Variants in GPR158 observed in about 807,000 individuals in gnomAD.
GPR158 encodes metabotropic glycine receptor.
GPR158 carries 30 observed loss-of-function variants against 78.2 expected under a neutral mutation model. The ratio of observed to expected loss-of-function variants is 0.38; its 90% CI spans 0.29 to 0.52. The LOEUF (loss-of-function observed/expected upper bound fraction) is 0.52, where lower values mean the gene tolerates loss of function less well. Ranked by LOEUF, GPR158 falls within the 20% of genes least tolerant of loss-of-function variation. GPR158 has a pLI of 0.83. For missense variants in GPR158, 1,463 were observed against 1,523.5 expected (o/e 0.96, Z 0.66); for synonymous variants, 581 against 591.1 (o/e 0.98, Z 0.25).
At chr10:25,579,326 C>T (rs1837154148) in intron 7 of GPR158, among the ~76,000 whole-genome samples, 1 of 152,152 alleles carries the variant, frequency 6.6e-6, no homozygotes, top group Admixed American at 6.5e-5. Flanking sequence ...GAATTGACTT[C>T]TCATGCCTGA....
intron 5 of GPR158, among the ~76,000 whole-genome samples, chr10:25,498,952 G>C (rs1835919261): frequency 6.6e-6 from 1 of 152,070 alleles, no homozygotes; most frequent in African/African-American, 2.4e-5. Flanking sequence ...AAGCCTGCAG[G>C]GCCTCTTCTC....
chr10:25,336,856 G>A (rs955822174), intron 2 of GPR158, among the ~76,000 whole-genome samples: 3 of 152,054 alleles, frequency 2.0e-5, no homozygotes, highest in Non-Finnish European at 4.4e-5. Flanking sequence ...CAACCTCTTG[G>A]ATTCTTTTAT....
At chr10:25,467,764 C>T (rs539995938) in intron 5 of GPR158, among the ~76,000 whole-genome samples, 4 of 152,166 alleles carry the variant, frequency 2.6e-5, no homozygotes, top group South Asian at 2.1e-4. Flanking sequence ...TGGGGCAAAG[C>T]GGGCTGCTTG....
At chr10:25,283,764 G>A (rs1246404878) in intron 2 of GPR158, among the ~76,000 whole-genome samples, 4 of 151,680 alleles carry the variant, frequency 2.6e-5, no homozygotes. Context: ...TTACTCATAA[G>A]CACTACTTTT....
chr10:25,382,467 C>T (rs1022303629), intron 2 of GPR158, among the ~76,000 whole-genome samples: 1 of 152,144 alleles, frequency 6.6e-6, no homozygotes, highest in Non-Finnish European at 1.5e-5. Context: ...AAAACATCCT[C>T]TCTTCTGCCC....
At chr10:25,186,890 T>A (rs1852695426) in intron 1 of GPR158, among the ~76,000 whole-genome samples, 1 of 151,244 alleles carries the variant, frequency 6.6e-6, no homozygotes, top group African/African-American at 2.4e-5. Flanking sequence ...AGTATCATCC[T>A]GATACCAAAG....
chr10:25,466,787 TACACACAC>T, intron 5 of GPR158, 68 bp downstream of exon 5: 2 of 707,430 alleles, frequency 2.8e-6, no homozygotes, highest in African/African-American at 1.9e-5. Flanking sequence ...AGTTACTGTT[TACACACAC>T]ACACACACAC....
rs1481787815 is a variant in GPR158, at chr10:25,175,738, G to A, written c.318G>A (p.Ala106=). 1 of 1,611,354 alleles carries A rather than the reference G, an allele frequency of 6.2e-7. No individual in the cohort carries two copies. The change falls in exon 1 of 11, where the codon GCG becomes GCA. Residue 106 remains alanine (A), a synonymous_variant. Transcript: ENST00000376351. This position sits in a 1 kb window ranked among gnomAD's most constrained non-coding sequence, Gnocchi z 6.4. ...RANCSGRYEL[A]GLPGKWPALA... Reference sequence around the variant, plus strand: ...ACTGCTCCGGCCGCTACGAGTTGGCGGGCCTGCCGGGGAAGTGGCCAGCCC... The same window carrying A: ...ACTGCTCCGGCCGCTACGAGTTGGCAGGCCTGCCGGGGAAGTGGCCAGCCC...
intron 7 of GPR158, among the ~76,000 whole-genome samples, chr10:25,585,551 G>A (rs1212189580): frequency 6.6e-6 from 1 of 152,206 alleles, no homozygotes; most frequent in Admixed American, 6.5e-5. Context: ...ATCATTTCAG[G>A]AGGCTTTGTG....
intron 1 of GPR158, among the ~76,000 whole-genome samples, chr10:25,198,321 A>T (rs927468284): frequency 6.6e-6 from 1 of 152,218 alleles, no homozygotes; most frequent in Non-Finnish European, 1.5e-5. Context: ...CAGATGGAAG[A>T]CGTGAATACT....
At chr10:25,507,233 A>C (rs1435999618) in intron 5 of GPR158, among the ~76,000 whole-genome samples, 1 of 152,216 alleles carries the variant, frequency 6.6e-6, no homozygotes, top group Non-Finnish European at 1.5e-5. Context: ...AAGAGGAAGA[A>C]GTGGAATGGC....
At chr10:25,194,494 GC>G (rs201915173) in intron 1 of GPR158, among the ~76,000 whole-genome samples, 3,212 of 152,196 alleles carry the variant, frequency 0.021, 36 homozygotes, top group Middle Eastern at 0.037. Context: ...AGCCAAGATC[GC>G]ACCACAGCAC....
intron 2 of GPR158, among the ~76,000 whole-genome samples, chr10:25,364,445 ATTT>A (rs1855689077): frequency 6.6e-6 from 1 of 151,902 alleles, no homozygotes; most frequent in African/African-American, 2.4e-5. Flanking sequence ...GTGAATAATG[ATTT>A]GAAGTACACA....
intron 5 of GPR158, among the ~76,000 whole-genome samples, chr10:25,473,149 G>A (rs1368912540): frequency 1.3e-5 from 2 of 151,758 alleles, no homozygotes; most frequent in African/African-American, 2.4e-5. Flanking sequence ...AATTTATTGA[G>A]AGTTTTTAGC....
At chr10:25,546,244 C>A (rs547008416) in intron 5 of GPR158, among the ~76,000 whole-genome samples, 1 of 152,212 alleles carries the variant, frequency 6.6e-6, no homozygotes, top group East Asian at 1.9e-4. Flanking sequence ...TATTGTAAAG[C>A]ATTCTTTTAT....
Position 25,241,370 on chromosome 10 carries a change from TTCTCTCTTC to T in GPR158, c.1008+20217_1008+20225del. Among the ~76,000 whole-genome samples the T allele has an allele frequency of 2.8e-5, 3 of 107,984 alleles. 1 individual carries two copies. The South Asian group carries it at 9.4e-4, about 34-fold the overall frequency. The allele number at this position is 107,984 out of a possible 152,430, so 70.8% of individuals were successfully genotyped here. On this transcript the variant is annotated intron_variant, in intron 2 of 10. Transcript: ENST00000376351. ...TTTCTCTTTTCTTTTCTCTTTTCTTTTCTCTCTTCTCTTCTCTTCTCTTCTCTTCTCTTC... is the reference window on the plus strand; with the variant it reads ...TTTCTCTTTTCTTTTCTCTTTTCTTTTCTTCTCTTCTCTTCTCTTCTCTTC...
intron 3 of GPR158, among the ~76,000 whole-genome samples, chr10:25,397,834 C>G (rs1564444419): frequency 6.6e-6 from 1 of 152,070 alleles, no homozygotes; most frequent in Non-Finnish European, 1.5e-5. Flanking sequence ...TGTTATTTAG[C>G]AACATAAGAG....
intron 4 of GPR158, among the ~76,000 whole-genome samples, chr10:25,437,509 A>C (rs113160407): frequency 0.011 from 1,739 of 152,336 alleles, 8 homozygotes; most frequent in Non-Finnish European, 0.016. Context: ...TACAGGCATG[A>C]GCCACTGGGC....
chr10:25,290,554 A>G (rs1854420384), intron 2 of GPR158, among the ~76,000 whole-genome samples: 1 of 152,186 alleles, frequency 6.6e-6, no homozygotes, highest in African/African-American at 2.4e-5. Flanking sequence ...CAAGGGCAGT[A>G]GAAAATGTCT....
Sources: allele counts gnomAD v4.1 joint callset (sites outside exome capture counted in the v4.1 genomes callset), GRCh38; gene constraint gnomAD v4.1.1; non-coding constraint Gnocchi (gnomAD v3.1); transcripts MANE v1.5; gene names NCBI Gene and HGNC (gene_info 2026-07-23, HGNC 2026-07-21).